Variants in NETO1 observed in about 807,000 individuals in gnomAD.
NETO1 encodes the protein neuropilin and tolloid like 1, also known as neuropilin and tolloid-like protein 1.
Under a neutral mutation model 61.3 loss-of-function variants are expected in NETO1, and 26 were observed. The observed-to-expected ratio is 0.42, with a 90% CI of 0.31 to 0.59. The LOEUF is 0.59. NETO1 is among the 20% of genes least tolerant of loss of function. NETO1 has a pLI of 0.12. For synonymous variants in NETO1, 225 were observed against 225.8 expected (o/e 1.00, Z 0.03); for missense variants, 531 against 662.8 (o/e 0.80, Z 2.18).
Position 72,830,436 on chromosome 18 carries a change from T to C in NETO1, c.469+28390A>G, listed in dbSNP as rs763108373. 6.6e-6 allele frequency among the ~76,000 whole-genome samples: 1 copy of C among 152,088 alleles called. No homozygotes were observed. Among genetic ancestry groups the C allele is most frequent in the Non-Finnish European group, 1.5e-5 (1 of 68,022 alleles). On this transcript the variant is annotated intron_variant, in intron 4 of 10. Transcript: ENST00000327305. The surrounding 1 kb of genome is among the most constrained non-coding windows in gnomAD (Gnocchi z 4.9). ...AAAAATTTTGTGAGATCACCTTTGC[T>C]GGGCGGTGAAAGGGACCAGGGCATC...
chr18:72,817,737 C>G (rs1044666052), intron 4 of NETO1, among the ~76,000 whole-genome samples: 1 of 152,216 alleles, frequency 6.6e-6, no homozygotes, highest in Non-Finnish European at 1.5e-5. Context: ...TTAGATGTCA[C>G]TTCCAAGATT....
chr18:72,843,340 C>T (rs568153944), intron 4 of NETO1, among the ~76,000 whole-genome samples: 28 of 152,090 alleles, frequency 1.8e-4, no homozygotes, highest in Admixed American at 3.3e-4. Flanking sequence ...AAGGAAATAA[C>T]GAATAGAAAA....
At chr18:72,848,289 C>A (rs908189611) in intron 4 of NETO1, among the ~76,000 whole-genome samples, 1 of 152,252 alleles carries the variant, frequency 6.6e-6, no homozygotes, top group African/African-American at 2.4e-5. Context: ...ATCAACCCCA[C>A]AGATGAAATA....
chr18:72,848,642 G>C (rs932383830), intron 4 of NETO1, among the ~76,000 whole-genome samples: 1 of 152,136 alleles, frequency 6.6e-6, no homozygotes, highest in Non-Finnish European at 1.5e-5. Flanking sequence ...ATTCCAGTTG[G>C]TTTCAAGGGC....
At chr18:72,789,800 A>G (rs541726198) in intron 6 of NETO1, among the ~76,000 whole-genome samples, 3 of 152,094 alleles carry the variant, frequency 2.0e-5, no homozygotes, top group Non-Finnish European at 4.4e-5. Context: ...CCTTTCATTC[A>G]TGTCTAAAGA....
rs758435838 is a variant in NETO1 at position 72,865,240 on chromosome 18, A to G, written c.30T>C (p.Ile10=). The G allele has an allele frequency of 5.6e-5, 91 of 1,611,564 alleles. No individual in the cohort carries two copies. Among genetic ancestry groups the G allele is most frequent in the Non-Finnish European group, 7.0e-5 (83 of 1,178,426 alleles). Residue 10 remains isoleucine, a splice_region_variant and synonymous_variant, in exon 2 of 11, where the codon ATT becomes ATC. Coordinates refer to ENST00000327305, the MANE Select transcript of NETO1 (RefSeq NM_138966.5). MIHGRSVLH[I]VASLIILHLS... is the part of the protein sequence containing the mutation. ...AATGGAGGATGATTAAACTTGCTACAACTGAAACAGAAAAGAAAAATTAGA... is the reference window on the plus strand; with the variant it reads ...AATGGAGGATGATTAAACTTGCTACGACTGAAACAGAAAAGAAAAATTAGA...
chr18:72,867,217 G>C (rs1332921663), intron 1 of NETO1, 47 bp downstream of exon 1: 3 of 1,454,088 alleles, frequency 2.1e-6, no homozygotes, highest in Non-Finnish European at 2.8e-6. Context: ...AAAGGGGCGG[G>C]AGGGCTGGCT....
intron 6 of NETO1, among the ~76,000 whole-genome samples, chr18:72,787,791 A>T (rs1457453755): frequency 1.3e-5 from 2 of 152,200 alleles, no homozygotes; most frequent in Non-Finnish European, 2.9e-5. Context: ...TACTCATCAC[A>T]CTATGCAGCC....
rs758252235 is a variant in NETO1 at position 72,867,252 on chromosome 18, G to A, written c.28+12C>T. The stretch of plus-strand genomic sequence containing the variant: ...TCCGGGAGCGCACGGGCGCGGCGGG[G>A]AGGGTACTCACTGTGAAGCACGCTG... On this transcript the variant is annotated intron_variant, in intron 1 of 10. Transcript: ENST00000327305. 4 of 1,550,568 alleles carry A rather than the reference G, an allele frequency of 2.6e-6. No individual in the cohort carries two copies. Among genetic ancestry groups the A allele is most frequent in the South Asian group, 2.4e-5 (2 of 82,098 alleles).
intron 7 of NETO1, among the ~76,000 whole-genome samples, chr18:72,770,470 C>T (rs771492887): frequency 1.3e-5 from 2 of 152,022 alleles, no homozygotes; most frequent in Non-Finnish European, 2.9e-5. Flanking sequence ...CAATATTTAA[C>T]ACACATTCAG....
intron 4 of NETO1, among the ~76,000 whole-genome samples, chr18:72,838,615 C>T (rs939138630): frequency 5.3e-5 from 8 of 152,188 alleles, no homozygotes; most frequent in Non-Finnish European, 1.0e-4. Flanking sequence ...GGCACCATTC[C>T]CTTTGCTTGT....
chr18:72,759,927 G>C (rs1335894507), intron 7 of NETO1, among the ~76,000 whole-genome samples: 1 of 152,176 alleles, frequency 6.6e-6, no homozygotes, highest in Admixed American at 6.5e-5. Flanking sequence ...ACAGTTTCCA[G>C]GGTCACAAGA....
At chr18:72,766,423 T>C (rs1158354921) in intron 7 of NETO1, among the ~76,000 whole-genome samples, 1 of 152,128 alleles carries the variant, frequency 6.6e-6, no homozygotes, top group African/African-American at 2.4e-5. Flanking sequence ...GCCCATAGGC[T>C]ATGTAATTAG....
At chr18:72,791,891 T>C (rs74767438) in intron 6 of NETO1, among the ~76,000 whole-genome samples, 2 of 152,190 alleles carry the variant, frequency 1.3e-5, no homozygotes, top group African/African-American at 2.4e-5. Context: ...TATGGTTTCA[T>C]GTGAGCAACA....
At chr18:72,772,736 C>G (rs566065817) in intron 7 of NETO1, among the ~76,000 whole-genome samples, 1 of 121,672 alleles carries the variant, frequency 8.2e-6, no homozygotes, top group East Asian at 2.5e-4. Context: ...ATCATGTACA[C>G]ACACACATCT....
At chr18:72,834,842 G>A in intron 4 of NETO1, 1 of 979,420 alleles carries the variant, frequency 1.0e-6, no homozygotes, top group Non-Finnish European at 1.2e-6. Flanking sequence ...GGAGAGTGGA[G>A]ACTATTATAA....
At chr18:72,748,880 T>C in intron 10 of NETO1, 134 bp downstream of exon 10, 2 of 685,538 alleles carry the variant, frequency 2.9e-6, no homozygotes, top group Non-Finnish European at 5.3e-6. Context: ...ATCGTATTTC[T>C]AATTGTGAAA....
rs1024253911 is a variant in NETO1 at position 72,835,469 on chromosome 18, T to C, written c.469+23357A>G. Reference sequence around the variant, plus strand: ...CAAGTTAAAACTCCTGTTTATTCTATTCTAGTAACTCAGGTATGAAATTAG... The same window carrying C: ...CAAGTTAAAACTCCTGTTTATTCTACTCTAGTAACTCAGGTATGAAATTAG... On this transcript the variant is annotated intron_variant, in intron 4 of 10. Transcript: ENST00000327305. 8.8e-6 allele frequency: 4 copies of C among 456,830 alleles called. No homozygotes were observed. The South Asian group carries it at 1.6e-4, about 18-fold the overall frequency. The allele number at this position is 456,830 out of a possible 1,614,324, so 28.3% of individuals were successfully genotyped here.
chr18:72,767,094 C>CA lies in NETO1; in HGVS notation c.869-10948dup, dbSNP rs2071191770. ...GACACATTATTCTTTTATAAAGGTGCAATACTTGCTCTCATTGAACATGCC... is the reference window on the plus strand; with the variant it reads ...GACACATTATTCTTTTATAAAGGTGCAAATACTTGCTCTCATTGAACATGCC... On this transcript the variant is annotated intron_variant, in intron 7 of 10. Transcript: ENST00000327305. Among the ~76,000 whole-genome samples the CA allele has an allele frequency of 3.9e-5, 6 of 152,204 alleles. 1 individual carries two copies. The South Asian group carries it at 1.2e-3, about 32-fold the overall frequency.
Sources: gnomAD v4.1 joint callset for allele counts (sites outside exome capture counted in the v4.1 genomes callset) on GRCh38, gnomAD v4.1.1 for gene constraint, Gnocchi (gnomAD v3.1) non-coding constraint, MANE v1.5 for transcripts, NCBI Gene and HGNC (gene_info 2026-07-23, HGNC 2026-07-21) for gene names.